Variants in TRPS1 observed in about 807,000 individuals in gnomAD.
TRPS1 encodes the protein transcriptional repressor GATA binding 1, also known as zinc finger transcription factor Trps1.
A neutral mutation model predicts 101.2 loss-of-function variants in TRPS1; 6 were observed. The ratio of observed to expected loss-of-function variants is 0.06; its 90% confidence interval spans 0.03 to 0.12. The LOEUF is 0.12. TRPS1 is among the 10% of genes least tolerant of loss of function. The probability of loss-of-function intolerance (pLI) is 1.00; values close to 1 mark genes in which losing one functional copy is unlikely to be tolerated. For synonymous variants in TRPS1, 578 were observed against 589.8 expected, an observed-to-expected ratio of 0.98 and a Z score of 0.29; for missense variants, 1,363 against 1,567.0, an observed-to-expected ratio of 0.87 and a Z score of 2.20.
intron 5 of TRPS1, among the ~76,000 whole-genome samples, chr8:115,526,973 C>T (rs889177225): frequency 1.3e-5 from 2 of 152,104 alleles, no homozygotes; most frequent in African/African-American, 4.8e-5. Flanking sequence ...CAGCTACTTA[C>T]CTACCCTCTA....
At chr8:115,501,070 A>G (rs1815306815) in intron 5 of TRPS1, among the ~76,000 whole-genome samples, 1 of 151,916 alleles carries the variant, frequency 6.6e-6, no homozygotes, top group African/African-American at 2.4e-5. Flanking sequence ...GTGCGACTCT[A>G]TCCTCCCTTG....
intron 5 of TRPS1, among the ~76,000 whole-genome samples, chr8:115,505,888 T>C (rs1563560255): frequency 6.6e-6 from 1 of 152,246 alleles, no homozygotes; most frequent in Non-Finnish European, 1.5e-5. Context: ...TTTAAGTGTT[T>C]GAAATGCTTT....
At position 115,548,229 on chromosome 8, in the gene TRPS1, A is replaced by G. The variant is rs188277908; in HGVS notation, c.2700+38772T>C. ...AGCCTGGGTGACACAGCAAGATTCA[A>G]AAAATACATATATATAAATAATCCT... On this transcript the variant is annotated intron_variant, in intron 5 of 6. Coordinates refer to ENST00000395715, the MANE Select transcript of TRPS1 (RefSeq NM_014112.5). 5.3e-5 allele frequency among the ~76,000 whole-genome samples: 8 copies of G among 152,234 alleles called. No homozygotes were observed. In the East Asian group the frequency reaches 1.4e-3, roughly 26 times the overall value.
intron 3 of TRPS1, among the ~76,000 whole-genome samples, chr8:115,609,868 A>T (rs1458652666): frequency 1.3e-5 from 2 of 152,200 alleles, no homozygotes; most frequent in African/African-American, 4.8e-5. Context: ...TTTTACACAC[A>T]CACAAAAATG....
chr8:115,580,092 A>C (rs1318495225), intron 5 of TRPS1, among the ~76,000 whole-genome samples: 4 of 152,086 alleles, frequency 2.6e-5, no homozygotes. Context: ...GCCTTTCCTT[A>C]AACTGATAAC....
intron 5 of TRPS1, among the ~76,000 whole-genome samples, chr8:115,519,090 T>C (rs1815793423): frequency 6.6e-6 from 1 of 151,836 alleles, no homozygotes; most frequent in Admixed American, 6.6e-5. Context: ...CTTATGGTAA[T>C]ATTTTAGAAC....
At chr8:115,600,711 C>A (rs1817888464) in intron 4 of TRPS1, among the ~76,000 whole-genome samples, 1 of 151,834 alleles carries the variant, frequency 6.6e-6, no homozygotes, top group East Asian at 1.9e-4. Context: ...CAATGCATTA[C>A]AAAATATGTT....
intron 5 of TRPS1, among the ~76,000 whole-genome samples, chr8:115,577,425 T>A (rs1184974825): frequency 6.6e-6 from 1 of 152,144 alleles, no homozygotes; most frequent in Non-Finnish European, 1.5e-5. Flanking sequence ...ATTCAGAAAG[T>A]ATTCTTGCCC....
chr8:115,524,575 T>C (rs1283130563), intron 5 of TRPS1, among the ~76,000 whole-genome samples: 1 of 152,052 alleles, frequency 6.6e-6, no homozygotes, highest in Non-Finnish European at 1.5e-5. Flanking sequence ...CACCTCAGCC[T>C]CCCAAAGTGC....
chr8:115,596,609 CTATT>C (rs1321707905), intron 4 of TRPS1, among the ~76,000 whole-genome samples: 3 of 151,450 alleles, frequency 2.0e-5, no homozygotes, highest in Admixed American at 2.0e-4. Context: ...AAAGAAAGTA[CTATT>C]TATGGTACAG....
intron 5 of TRPS1, among the ~76,000 whole-genome samples, chr8:115,468,957 T>A (rs535097642): frequency 6.6e-6 from 1 of 151,882 alleles, no homozygotes; most frequent in East Asian, 1.9e-4. Flanking sequence ...CTGGGCAACA[T>A]AGATAAACCC....
intron 5 of TRPS1, among the ~76,000 whole-genome samples, chr8:115,575,554 G>A (rs1458576723): frequency 1.3e-5 from 2 of 152,008 alleles, no homozygotes; most frequent in Non-Finnish European, 2.9e-5. Context: ...GAAAGATAAT[G>A]CCAAGAAATC....
intron 5 of TRPS1, among the ~76,000 whole-genome samples, chr8:115,576,413 G>T (rs76601484): frequency 0.01 from 1,572 of 152,036 alleles, 29 homozygotes; most frequent in African/African-American, 0.036. Context: ...AATGTTTAAG[G>T]TTTTAAAGGA....
intron 3 of TRPS1, among the ~76,000 whole-genome samples, chr8:115,615,308 ACTC>A (rs768879819): frequency 3.3e-5 from 5 of 152,106 alleles, no homozygotes; most frequent in Non-Finnish European, 7.3e-5. Context: ...ACTTGACAAG[ACTC>A]CTACTTTTAT....
rs1815750168 is a variant in TRPS1, at chr8:115,517,658, C to T, written c.2700+69343G>A. ...TACTAAAAATTATGTCTTTCTGCAT[C>T]AAAGAAAATAACTTTAAAGCATAGT... On this transcript the variant is annotated intron_variant, in intron 5 of 6. Coordinates refer to ENST00000395715, the MANE Select transcript of TRPS1 (RefSeq NM_014112.5). Among the ~76,000 whole-genome samples, 3 of 151,664 alleles carry T rather than the reference C, an allele frequency of 2.0e-5. No homozygotes were observed. The South Asian group carries it at 6.2e-4, about 31-fold the overall frequency.
intron 5 of TRPS1, among the ~76,000 whole-genome samples, chr8:115,533,436 G>GTTTTTTATTTTTTTTTTTTTTT (rs1816188062): frequency 2.9e-5 from 1 of 34,986 alleles, no homozygotes; most frequent in Non-Finnish European, 5.3e-5. Flanking sequence ...CATGTAATCT[G>GTTTTTTATTTTTTTTTTTTTTT]TTTTTTTTTT....
At chr8:115,532,364 C>T (rs34854405) in intron 5 of TRPS1, among the ~76,000 whole-genome samples, 292 of 152,072 alleles carry the variant, frequency 1.9e-3, no homozygotes, top group Middle Eastern at 3.4e-3. Flanking sequence ...ACTTTTCAGG[C>T]ATATTGCAGT....
At chr8:115,584,513 C>T (rs1400609639) in intron 5 of TRPS1, among the ~76,000 whole-genome samples, 1 of 151,538 alleles carries the variant, frequency 6.6e-6, no homozygotes, top group Admixed American at 6.6e-5. Context: ...CTGTATATTT[C>T]TATGGTGTAT....
At chr8:115,421,172 ATGGGGTTTCTCTGTGT>A (rs1293704584) in intron 5 of TRPS1, among the ~76,000 whole-genome samples, 1 of 151,934 alleles carries the variant, frequency 6.6e-6, no homozygotes, top group Non-Finnish European at 1.5e-5. Context: ...TTTAGTAGAG[ATGGGGTTTCTCTGTGT>A]TGGTCAGGCT....
Sources: gnomAD v4.1 joint callset for allele counts (sites outside exome capture counted in the v4.1 genomes callset) on GRCh38, gnomAD v4.1.1 for gene constraint, MANE v1.5 for transcripts, NCBI Gene and HGNC (gene_info 2026-07-23, HGNC 2026-07-21) for gene names.